EYS: variants seen among roughly 807,000 people sequenced by gnomAD.
EYS encodes EGF-like photoreceptor maintenance factor, also known as protein eyes shut homolog.
A neutral mutation model predicts 282.1 loss-of-function variants in EYS; 250 were observed. The ratio of observed to expected loss-of-function variants is 0.89; its 90% CI spans 0.80 to 0.98. The LOEUF (loss-of-function observed/expected upper bound fraction) is 0.98. EYS is among the 50% of genes least tolerant of loss of function. The pLI is 0.00. For missense variants in EYS, 4,016 were observed against 3,709.0 expected, an observed-to-expected ratio of 1.08 and a Z score of -2.15; for synonymous variants, 1,355 against 1,282.9, an observed-to-expected ratio of 1.06 and a Z score of -1.20.
At chr6:64,534,876 A>G (rs1582864638) in intron 26 of EYS, among the ~76,000 whole-genome samples, 1 of 152,068 alleles carries the variant, frequency 6.6e-6, no homozygotes, top group African/African-American at 2.4e-5. Flanking sequence ...GACATACAGT[A>G]TGACTGTTCA....
chr6:64,861,732 CTT>C (rs1283085697), intron 19 of EYS, among the ~76,000 whole-genome samples: 1 of 152,216 alleles, frequency 6.6e-6, no homozygotes, highest in African/African-American at 2.4e-5. Flanking sequence ...CCTCTCATCA[CTT>C]ATTACATTGC....
intron 22 of EYS, among the ~76,000 whole-genome samples, chr6:64,756,885 CT>C (rs5876921): frequency 0.064 from 8,775 of 137,606 alleles, 279 homozygotes; most frequent in East Asian, 0.19. Context: ...AGCATCAGTG[CT>C]TTTTTTTTTT....
intron 30 of EYS, among the ~76,000 whole-genome samples, chr6:64,304,445 C>T (rs1475555729): frequency 2.0e-5 from 3 of 152,148 alleles, no homozygotes; most frequent in African/African-American, 7.2e-5. Context: ...ATCTAACAGA[C>T]ATACACAGAA....
intron 33 of EYS, among the ~76,000 whole-genome samples, chr6:64,022,010 C>T (rs933241561): frequency 6.6e-6 from 1 of 152,060 alleles, no homozygotes; most frequent in Admixed American, 6.6e-5. Flanking sequence ...TTTATGTAAC[C>T]ATTCCCCTCT....
chr6:65,248,261 A>G (rs1332889601), intron 12 of EYS, among the ~76,000 whole-genome samples: 1 of 152,088 alleles, frequency 6.6e-6, no homozygotes, highest in Non-Finnish European at 1.5e-5. Context: ...TAACACTGAG[A>G]ATGTATCAAT....
intron 13 of EYS, among the ~76,000 whole-genome samples, chr6:65,035,895 T>C (rs1319537533): frequency 6.8e-6 from 1 of 147,624 alleles, no homozygotes; most frequent in African/African-American, 2.5e-5. Context: ...TAATATATAT[T>C]ATATATTTTT....
At chr6:65,292,794 G>T (rs893290073) in intron 12 of EYS, among the ~76,000 whole-genome samples, 4 of 151,642 alleles carry the variant, frequency 2.6e-5, no homozygotes, top group African/African-American at 9.7e-5. Flanking sequence ...GGGGCCTATG[G>T]AAAAGAAATT....
intron 41 of EYS, among the ~76,000 whole-genome samples, chr6:63,741,334 A>C (rs1167673811): frequency 6.6e-6 from 1 of 152,186 alleles, no homozygotes; most frequent in Non-Finnish European, 1.5e-5. Context: ...AGAAAATAGA[A>C]TAGGCTGATT....
chr6:64,151,325 A>ATATATATATATATATATATATT (rs1774709617), intron 31 of EYS, among the ~76,000 whole-genome samples: 1 of 78,668 alleles, frequency 1.3e-5, no homozygotes, highest in African/African-American at 7.2e-5. Context: ...ATTTATATAT[A>ATATATATATATATATATATATT]TATATATATA....
At chr6:65,451,839 C>T (rs1432861769) in intron 5 of EYS, among the ~76,000 whole-genome samples, 2 of 151,398 alleles carry the variant, frequency 1.3e-5, no homozygotes, top group Non-Finnish European at 1.5e-5. Flanking sequence ...AATATTGATT[C>T]CAAATTAAAG....
chr6:65,594,319 T>G (rs1765332019), intron 2 of EYS, among the ~76,000 whole-genome samples: 1 of 152,020 alleles, frequency 6.6e-6, no homozygotes, highest in Non-Finnish European at 1.5e-5. Flanking sequence ...CAGATGAGCC[T>G]GAACAAAAAC....
intron 33 of EYS, among the ~76,000 whole-genome samples, chr6:64,027,876 A>G (rs552508804): frequency 6.6e-6 from 1 of 152,302 alleles, no homozygotes; most frequent in Admixed American, 6.5e-5. Context: ...GGTATGTTTA[A>G]CTATTGAGGG....
chr6:65,351,054 T>C (rs1213521585), intron 9 of EYS, among the ~76,000 whole-genome samples: 1 of 151,748 alleles, frequency 6.6e-6, no homozygotes, highest in African/African-American at 2.4e-5. Flanking sequence ...TAAGAAGGAA[T>C]TTTGCAATAC....
intron 26 of EYS, among the ~76,000 whole-genome samples, chr6:64,533,356 G>A (rs1172343767): frequency 6.6e-6 from 1 of 152,018 alleles, no homozygotes; most frequent in Non-Finnish European, 1.5e-5. Flanking sequence ...GTTCTGAGAA[G>A]CCAGCAAACT....
At chr6:65,613,249 G>A (rs1055009776) in intron 2 of EYS, among the ~76,000 whole-genome samples, 2 of 151,786 alleles carry the variant, frequency 1.3e-5, no homozygotes, top group African/African-American at 2.4e-5. Flanking sequence ...TACAATAGAT[G>A]TTCAGAATAT....
At chr6:65,691,505 G>C (rs1769242140) in intron 1 of EYS, among the ~76,000 whole-genome samples, 1 of 120,130 alleles carries the variant, frequency 8.3e-6, no homozygotes, top group Non-Finnish European at 2.1e-5. Context: ...TGGATAGATT[G>C]CAAAAATATT....
chr6:64,704,513 T>TAATACTTATAATTATAA (rs1325753608), intron 22 of EYS, among the ~76,000 whole-genome samples: 1 of 143,886 alleles, frequency 6.9e-6, no homozygotes, highest in African/African-American at 2.5e-5. Flanking sequence ...TATAATAATA[T>TAATACTTATAATTATAA]TATAATTATA....
chr6:65,569,161 T>C (rs1203728231), intron 2 of EYS, among the ~76,000 whole-genome samples: 1 of 152,112 alleles, frequency 6.6e-6, no homozygotes, highest in African/African-American at 2.4e-5. Flanking sequence ...CCTTGTGAAA[T>C]TCCTTCTCCT....
chr6:65,375,251 A>G (rs1378900208), intron 8 of EYS, among the ~76,000 whole-genome samples: 3 of 152,198 alleles, frequency 2.0e-5, no homozygotes, highest in Non-Finnish European at 4.4e-5. Flanking sequence ...CAGGGTCTGC[A>G]GTGGACCTCC....
Sources: allele counts gnomAD v4.1 joint callset (sites outside exome capture counted in the v4.1 genomes callset), GRCh38; gene constraint gnomAD v4.1.1; transcripts MANE v1.5; gene names NCBI Gene and HGNC (gene_info 2026-07-23, HGNC 2026-07-21).